COL5A2: variants seen among roughly 807,000 people sequenced by gnomAD.
COL5A2 encodes the protein collagen alpha-2(V) chain.
Under a neutral mutation model 208.2 loss-of-function variants are expected in COL5A2, and 23 were observed. That is an observed-to-expected ratio of 0.11 (90% CI 0.08 to 0.16). COL5A2 has a LOEUF of 0.16. Among genes scored for constraint, COL5A2 ranks in the 10% least tolerant of loss-of-function variants. The probability of loss-of-function intolerance (pLI) is 1.00; values close to 1 mark genes in which losing one functional copy is unlikely to be tolerated. For synonymous variants in COL5A2, 625 were observed against 628.5 expected, an observed-to-expected ratio of 0.99 and a Z score of 0.08; for missense variants, 1,590 against 1,956.4, an observed-to-expected ratio of 0.81 and a Z score of 3.53.
In COL5A2 at chr2:189,041,679, T is replaced by A; in HGVS notation, c.3540A>T (p.Pro1180=). Residue 1180 remains proline, a synonymous_variant, in exon 50 of 54, where the codon CCA becomes CCT. Transcript: ENST00000374866. The stretch of plus-strand genomic sequence containing the variant: ...TTCCTTCTTTACCTGAAGGACCAAC[T>A]GGGCCTGGAGGACCCTGCAAGAAAC... ...GPFGPRGPPG[P]VGPSGKEGNP... is the part of the protein sequence containing the mutation. The A allele has an allele frequency of 6.2e-7, 1 of 1,613,946 alleles. No individual in the cohort carries two copies. The highest frequency in any genetic ancestry group is 8.5e-7 in the Non-Finnish European group (1 of 1,179,792).
the COL5A2 span, among the ~76,000 whole-genome samples, chr2:189,292,549 A>G: frequency 2.6e-4 from 39 of 152,184 alleles, 1 homozygote; most frequent in Non-Finnish European, 4.7e-4. Flanking sequence ...CAAAACCACA[A>G]TGAGATGCCA....
upstream of COL5A2, among the ~76,000 whole-genome samples, chr2:189,227,996 A>G (rs1689440125): frequency 6.6e-6 from 1 of 152,022 alleles, no homozygotes. Flanking sequence ...TGATCACAAT[A>G]GAATGCAACT....
At chr2:189,400,496 A>G in the COL5A2 span, among the ~76,000 whole-genome samples, 1 of 152,152 alleles carries the variant, frequency 6.6e-6, no homozygotes. Context: ...TTTTTACAGG[A>G]TATTTTTTTG....
chr2:189,047,120 CA>C (rs57456004), intron 45 of COL5A2, among the ~76,000 whole-genome samples: 3,958 of 109,138 alleles, frequency 0.036, 32 homozygotes, highest in Middle Eastern at 0.042. Context: ...GACTCTGTCT[CA>C]AAAAAAAAAA....
At chr2:189,269,661 G>A in the COL5A2 span, among the ~76,000 whole-genome samples, 16 of 152,162 alleles carry the variant, frequency 1.1e-4, no homozygotes, top group South Asian at 2.1e-4. Flanking sequence ...GAGGATTTTC[G>A]CATCAATGTT....
chr2:189,394,965 G>T, the COL5A2 span, among the ~76,000 whole-genome samples: 2 of 152,088 alleles, frequency 1.3e-5, no homozygotes, highest in East Asian at 3.9e-4. Flanking sequence ...CAATGAGATG[G>T]TTTACAGCCA....
chr2:189,286,158 T>A, the COL5A2 span, among the ~76,000 whole-genome samples: 1 of 151,740 alleles, frequency 6.6e-6, no homozygotes, highest in African/African-American at 2.4e-5. Context: ...GATTGCACAG[T>A]TTGGCATCAC....
At chr2:189,246,755 G>A in the COL5A2 span, among the ~76,000 whole-genome samples, 2 of 152,186 alleles carry the variant, frequency 1.3e-5, no homozygotes, top group South Asian at 2.1e-4. Context: ...AAAAAAATCA[G>A]CATAAATGGG....
chr2:189,323,902 C>G, the COL5A2 span, among the ~76,000 whole-genome samples: 3 of 152,138 alleles, frequency 2.0e-5, no homozygotes, highest in East Asian at 5.8e-4. Context: ...GGAGGCATCA[C>G]GCTACCTGAC....
At chr2:189,065,144 A>G in intron 23 of COL5A2, 87 bp from the exon 24 acceptor site, 1 of 1,262,716 alleles carries the variant, frequency 7.9e-7, no homozygotes, top group Admixed American at 1.9e-5. Context: ...TTAGCACTAT[A>G]AAGTTTTAGG....
At position 189,053,286 on chromosome 2, in the gene COL5A2, T is replaced by C. The variant is rs541364821; in HGVS notation, c.2553+138A>G. On this transcript the variant is annotated intron_variant, in intron 38 of 53. Transcript: ENST00000374866. ...AGTTTTGTGCCAGTCTATAAAAAAA[T>C]GTATTGAAAATGAGAATATTGTCTA... The C allele has an allele frequency of 2.6e-4, 217 of 826,512 alleles. 4 individuals carry two copies. The South Asian group carries it at 3.1e-3, about 12-fold the overall frequency. The allele number at this position is 826,512 out of a possible 1,614,324, so 51.2% of individuals were successfully genotyped here.
At chr2:189,326,652 T>C in the COL5A2 span, among the ~76,000 whole-genome samples, 1 of 151,984 alleles carries the variant, frequency 6.6e-6, no homozygotes, top group South Asian at 2.1e-4. Context: ...AATCACACCA[T>C]TGCCCTCCAT....
At chr2:189,394,475 C>T in the COL5A2 span, among the ~76,000 whole-genome samples, 3 of 152,292 alleles carry the variant, frequency 2.0e-5, no homozygotes, top group African/African-American at 7.2e-5. Flanking sequence ...TAAGAGGAGA[C>T]ACGAGTGAGC....
chr2:189,166,637 C>G (rs1231383965), intron 1 of COL5A2, among the ~76,000 whole-genome samples: 1 of 152,154 alleles, frequency 6.6e-6, no homozygotes, highest in African/African-American at 2.4e-5. Context: ...ATTGTGGAAC[C>G]CTCCGTGGGC....
the COL5A2 span, among the ~76,000 whole-genome samples, chr2:189,414,763 A>T: frequency 3.3e-5 from 5 of 151,200 alleles, no homozygotes; most frequent in Admixed American, 2.6e-4. Flanking sequence ...CAAAAAAAAA[A>T]AAAAAAAAAA....
At chr2:189,357,777 A>AC in the COL5A2 span, among the ~76,000 whole-genome samples, 6 of 151,338 alleles carry the variant, frequency 4.0e-5, no homozygotes, top group African/African-American at 1.5e-4. Flanking sequence ...AAAAAAAAAA[A>AC]AAACTCCTGC....
the COL5A2 span, among the ~76,000 whole-genome samples, chr2:189,328,090 ACTAAGTTCCC>A: frequency 1.2e-4 from 18 of 152,320 alleles, no homozygotes; most frequent in East Asian, 3.5e-3. Context: ...AATGCTCTCA[ACTAAGTTCCC>A]CTGTGCCTTA....
At chr2:189,170,641 C>T (rs1048520338) in intron 1 of COL5A2, among the ~76,000 whole-genome samples, 1 of 151,830 alleles carries the variant, frequency 6.6e-6, no homozygotes, top group Non-Finnish European at 1.5e-5. Flanking sequence ...GTGCTGCAAT[C>T]AGTAGTGTTA....
the COL5A2 span, among the ~76,000 whole-genome samples, chr2:189,272,845 A>G: frequency 6.6e-6 from 1 of 152,132 alleles, no homozygotes; most frequent in Admixed American, 6.6e-5. Flanking sequence ...GTGGACATGG[A>G]TAAGTAACAC....
Sources: gnomAD v4.1 joint callset for allele counts (sites outside exome capture counted in the v4.1 genomes callset) on GRCh38, gnomAD v4.1.1 for gene constraint, MANE v1.5 for transcripts, NCBI Gene and HGNC (gene_info 2026-07-23, HGNC 2026-07-21) for gene names.